Variants in SH2D4B observed in about 807,000 individuals in gnomAD.
SH2D4B encodes SH2 domain-containing protein 4B.
In SH2D4B, 45 loss-of-function variants were observed where a neutral mutation model predicts 61.5. The ratio of observed to expected loss-of-function variants is 0.73; its 90% CI spans 0.58 to 0.94. The LOEUF is 0.94. Among genes scored for constraint, SH2D4B ranks in the 40% least tolerant of loss-of-function variants. The pLI, the probability that SH2D4B is intolerant of heterozygous loss-of-function variation, is 0.00. For missense variants in SH2D4B, 572 were observed against 574.2 expected, an observed-to-expected ratio of 1.00 and a Z score of 0.04; for synonymous variants, 224 against 220.4, an observed-to-expected ratio of 1.02 and a Z score of -0.14.
At chr10:80,631,656 A>G (rs953941764) in intron 6 of SH2D4B, among the ~76,000 whole-genome samples, 1 of 152,256 alleles carries the variant, frequency 6.6e-6, no homozygotes, top group Non-Finnish European at 1.5e-5. Flanking sequence ...ATTTGTGACA[A>G]CATGGATGAA....
chr10:80,640,371 C>A (rs1326321939), intron 7 of SH2D4B, among the ~76,000 whole-genome samples: 3 of 152,150 alleles, frequency 2.0e-5, no homozygotes, highest in Admixed American at 6.5e-5. Flanking sequence ...TGGATAATAT[C>A]CTGAAGAGTG....
chr10:80,630,814 G>A (rs777356349), intron 6 of SH2D4B, among the ~76,000 whole-genome samples: 2 of 152,166 alleles, frequency 1.3e-5, no homozygotes, highest in Non-Finnish European at 2.9e-5. Context: ...GTCCAAGGTC[G>A]GCTTGTGGGG....
At chr10:80,578,637 A>G (rs1842152784) in intron 3 of SH2D4B, among the ~76,000 whole-genome samples, 1 of 152,196 alleles carries the variant, frequency 6.6e-6, no homozygotes, top group Non-Finnish European at 1.5e-5. Flanking sequence ...TAGGGTGTGA[A>G]GCTCTTAAAT....
At chr10:80,638,044 CAT>C (rs1840216053) in intron 7 of SH2D4B, among the ~76,000 whole-genome samples, 1 of 152,184 alleles carries the variant, frequency 6.6e-6, no homozygotes, top group South Asian at 2.1e-4. Context: ...TTGTGATAAT[CAT>C]GTGGTTTTTG....
At chr10:80,597,447 C>T (rs1842396698) in intron 4 of SH2D4B, among the ~76,000 whole-genome samples, 1 of 152,098 alleles carries the variant, frequency 6.6e-6, no homozygotes, top group South Asian at 2.1e-4. Context: ...AGGTGGATCA[C>T]CTGAGGTCAG....
At chr10:80,606,787 T>TA (rs553826783) in intron 5 of SH2D4B, among the ~76,000 whole-genome samples, 437 of 152,238 alleles carry the variant, frequency 2.9e-3, no homozygotes, top group South Asian at 7.3e-3. Context: ...TTACTGCTGG[T>TA]ATGACTTTGG....
At chr10:80,611,451 A>G (rs1376330437) in intron 6 of SH2D4B, among the ~76,000 whole-genome samples, 1 of 152,120 alleles carries the variant, frequency 6.6e-6, no homozygotes, top group Non-Finnish European at 1.5e-5. Context: ...CTGGCTCTTT[A>G]GGGCTCAGAG....
chr10:80,546,587 G>A (rs554422787), intron 1 of SH2D4B, among the ~76,000 whole-genome samples: 8 of 148,884 alleles, frequency 5.4e-5, no homozygotes, highest in Non-Finnish European at 1.2e-4. Flanking sequence ...CTGCAGTGGC[G>A]CTATCTTGGC....
At chr10:80,586,610 G>A (rs897387291) in intron 3 of SH2D4B, among the ~76,000 whole-genome samples, 6 of 152,130 alleles carry the variant, frequency 3.9e-5, no homozygotes, top group African/African-American at 1.2e-4. Flanking sequence ...ACCAATCAGT[G>A]CCCTGTCAAA....
intron 5 of SH2D4B, among the ~76,000 whole-genome samples, chr10:80,605,138 A>G (rs762671068): frequency 6.7e-6 from 1 of 148,902 alleles, no homozygotes; most frequent in Non-Finnish European, 1.5e-5. Context: ...TTTTGCAGTT[A>G]CCGTCATGAA....
At chr10:80,546,024 C>G (rs1285406306) in intron 1 of SH2D4B, among the ~76,000 whole-genome samples, 6 of 148,738 alleles carry the variant, frequency 4.0e-5, no homozygotes, top group Non-Finnish European at 8.9e-5. Context: ...CTTTCTTTCT[C>G]TTTCTTTCTT....
intron 1 of SH2D4B, among the ~76,000 whole-genome samples, chr10:80,552,361 G>GA (rs1233082751): frequency 1.3e-5 from 2 of 152,168 alleles, no homozygotes; most frequent in African/African-American, 4.8e-5. Flanking sequence ...TGCATGGAGG[G>GA]AGGTGCCTCT....
At chr10:80,636,856 C>T (rs1840184422) in intron 7 of SH2D4B, among the ~76,000 whole-genome samples, 1 of 152,102 alleles carries the variant, frequency 6.6e-6, no homozygotes, top group Non-Finnish European at 1.5e-5. Flanking sequence ...GTCATGAAGT[C>T]CTTGCCCATG....
intron 6 of SH2D4B, among the ~76,000 whole-genome samples, chr10:80,611,163 G>C (rs1213627078): frequency 8.2e-6 from 1 of 122,568 alleles, no homozygotes; most frequent in Non-Finnish European, 1.6e-5. Context: ...CAACCAGAGC[G>C]AGACTCAGTC....
At chr10:80,542,629 C>T (rs1407765001) in intron 1 of SH2D4B, among the ~76,000 whole-genome samples, 6 of 152,036 alleles carry the variant, frequency 3.9e-5, no homozygotes, top group Admixed American at 3.9e-4. Context: ...CTCTTGACCT[C>T]AGGTAATCCG....
At chr10:80,557,845 A>G (rs138140932) in intron 1 of SH2D4B, among the ~76,000 whole-genome samples, 27 of 151,984 alleles carry the variant, frequency 1.8e-4, no homozygotes, top group African/African-American at 6.5e-4. Flanking sequence ...ATCAGTTTCT[A>G]CCATTATCTT....
chr10:80,614,413 G>A (rs1231100957), intron 6 of SH2D4B, among the ~76,000 whole-genome samples: 2 of 152,218 alleles, frequency 1.3e-5, no homozygotes, highest in Non-Finnish European at 2.9e-5. Context: ...ACAGCACCAA[G>A]CCATGAGGAA....
In SH2D4B at chr10:80,570,318, T is replaced by C; in HGVS notation, c.347+2T>C. 6.2e-7 allele frequency: 1 copy of C among 1,612,296 alleles called. No homozygotes were observed. Among genetic ancestry groups the C allele is most frequent in the East Asian group, 2.2e-5 (1 of 44,848 alleles). On this transcript the variant is annotated splice_donor_variant, in intron 2 of 7. Transcript: ENST00000646907. LOFTEE classifies it high-confidence loss of function. The stretch of plus-strand genomic sequence containing the variant: ...ACAGAGGGAAGCTGAGGAGCTCTGG[T>C]GAGGGGTGCTATGGGGTGTTGGGTG...
At chr10:80,627,712 T>C (rs185024987) in intron 6 of SH2D4B, among the ~76,000 whole-genome samples, 51 of 143,812 alleles carry the variant, frequency 3.5e-4, no homozygotes, top group Non-Finnish European at 7.6e-4. Context: ...CTGTGTCTCA[T>C]TCACTGCTGA....
Sources: allele counts gnomAD v4.1 joint callset (sites outside exome capture counted in the v4.1 genomes callset), GRCh38; gene constraint gnomAD v4.1.1; transcripts MANE v1.5; gene names NCBI Gene and HGNC (gene_info 2026-07-23, HGNC 2026-07-21).